PRR16: variants seen among roughly 807,000 people sequenced by gnomAD.
PRR16 encodes the protein proline rich 16.
PRR16 carries 6 observed loss-of-function variants against 18.2 expected under a neutral mutation model. The ratio of observed to expected loss-of-function variants is 0.33; its 90% CI spans 0.18 to 0.65. PRR16 has a LOEUF of 0.65. PRR16 is among the 30% of genes least tolerant of loss of function. The pLI is 0.74. For synonymous variants in PRR16, 151 were observed against 147.8 expected (o/e 1.02, Z -0.16); for missense variants, 412 against 376.6 (o/e 1.09, Z -0.78).
chr5:120,699,351 G>T, the PRR16 span, among the ~76,000 whole-genome samples: 1 of 152,278 alleles, frequency 6.6e-6, no homozygotes, highest in East Asian at 1.9e-4. Flanking sequence ...TAAATCAAGC[G>T]TGATCAGGGT....
At chr5:120,625,901 T>A (rs1419594306) in intron 1 of PRR16, among the ~76,000 whole-genome samples, 1 of 152,148 alleles carries the variant, frequency 6.6e-6, no homozygotes, top group East Asian at 1.9e-4. Context: ...ATTATCATTA[T>A]TTCCCTTCTA....
chr5:120,584,505 T>TTTTA (rs1223502488), intron 1 of PRR16, among the ~76,000 whole-genome samples: 2 of 152,208 alleles, frequency 1.3e-5, no homozygotes, highest in African/African-American at 4.8e-5. Context: ...ATTCTTGAAT[T>TTTTA]TTAAAAAGTA....
intron 1 of PRR16, among the ~76,000 whole-genome samples, chr5:120,631,096 T>A (rs1755036657): frequency 6.6e-6 from 1 of 152,168 alleles, no homozygotes; most frequent in Non-Finnish European, 1.5e-5. Context: ...GAAGATTTAT[T>A]TAAAACTTAA....
chr5:120,719,792 CAGTTA>C, the PRR16 span, among the ~76,000 whole-genome samples: 2 of 151,968 alleles, frequency 1.3e-5, no homozygotes, highest in African/African-American at 4.8e-5. Context: ...ATCTTAGACT[CAGTTA>C]AGTTTGTTTT....
At chr5:120,771,526 T>A in the PRR16 span, among the ~76,000 whole-genome samples, 1 of 152,112 alleles carries the variant, frequency 6.6e-6, no homozygotes, top group Non-Finnish European at 1.5e-5. Context: ...GATGTCTCTA[T>A]GGAAACCTAA....
chr5:120,579,232 C>T (rs1363433607), intron 1 of PRR16, among the ~76,000 whole-genome samples: 1 of 152,062 alleles, frequency 6.6e-6, no homozygotes, highest in Admixed American at 6.6e-5. Context: ...GTTTCTTTTG[C>T]TGTGCAGAAG....
intron 1 of PRR16, among the ~76,000 whole-genome samples, chr5:120,518,953 G>A (rs1751084423): frequency 2.0e-5 from 3 of 152,204 alleles, no homozygotes; most frequent in South Asian, 4.1e-4. Context: ...AACTTATCTT[G>A]TTTAAGATAC....
chr5:120,718,594 G>T, the PRR16 span, among the ~76,000 whole-genome samples: 1 of 152,060 alleles, frequency 6.6e-6, no homozygotes, highest in Middle Eastern at 3.4e-3. Context: ...GGCCAACATT[G>T]TGTCTACCAC....
intron 1 of PRR16, among the ~76,000 whole-genome samples, chr5:120,517,501 A>G (rs180829799): frequency 2.6e-5 from 4 of 152,330 alleles, no homozygotes; most frequent in East Asian, 1.9e-4. Flanking sequence ...TAGAAAATAT[A>G]TAGTTTTCTA....
chr5:120,497,980 A>G (rs997844364), intron 1 of PRR16, among the ~76,000 whole-genome samples: 1 of 151,454 alleles, frequency 6.6e-6, no homozygotes, highest in African/African-American at 2.4e-5. Context: ...CCATTTTACT[A>G]ACTCTCTCTT....
chr5:120,567,234 C>G (rs1028711953), intron 1 of PRR16, among the ~76,000 whole-genome samples: 2 of 152,140 alleles, frequency 1.3e-5, no homozygotes, highest in African/African-American at 2.4e-5. Context: ...CATGCCCAGT[C>G]TATGCCACTG....
At chr5:120,592,292 A>C (rs1753662646) in intron 1 of PRR16, among the ~76,000 whole-genome samples, 1 of 152,196 alleles carries the variant, frequency 6.6e-6, no homozygotes, top group Admixed American at 6.5e-5. Flanking sequence ...ATACTTGTAA[A>C]TCTGAAGAAT....
chr5:120,765,804 C>G, the PRR16 span, among the ~76,000 whole-genome samples: 1 of 151,972 alleles, frequency 6.6e-6, no homozygotes, highest in Non-Finnish European at 1.5e-5. Context: ...AATTTCTTTC[C>G]TGATTTCTAA....
At chr5:120,555,683 C>T (rs1282914224) in intron 1 of PRR16, among the ~76,000 whole-genome samples, 4 of 151,890 alleles carry the variant, frequency 2.6e-5, no homozygotes, top group Non-Finnish European at 5.9e-5. Flanking sequence ...GTTAGGGCTT[C>T]AACATATGAA....
intron 1 of PRR16, among the ~76,000 whole-genome samples, chr5:120,658,667 C>A (rs969004066): frequency 1.3e-5 from 2 of 151,810 alleles, no homozygotes; most frequent in Non-Finnish European, 2.9e-5. Flanking sequence ...GCATATGGAA[C>A]TCCAAGACAT....
At chr5:120,777,501 C>T in the PRR16 span, among the ~76,000 whole-genome samples, 2 of 152,088 alleles carry the variant, frequency 1.3e-5, no homozygotes, top group African/African-American at 4.8e-5. Context: ...CCACCTGCTC[C>T]TTCCTTTTTG....
At chr5:120,669,685 A>G (rs562875856) in intron 1 of PRR16, among the ~76,000 whole-genome samples, 14 of 152,242 alleles carry the variant, frequency 9.2e-5, no homozygotes, top group African/African-American at 3.1e-4. Flanking sequence ...AAATAATGAT[A>G]TTAATTTAAA....
intron 1 of PRR16, among the ~76,000 whole-genome samples, chr5:120,518,108 C>T (rs952164972): frequency 3.3e-5 from 5 of 152,038 alleles, no homozygotes; most frequent in African/African-American, 1.2e-4. Flanking sequence ...ATGTGACTTA[C>T]CCTCTTTTTA....
At chr5:120,790,586 G>A in the PRR16 span, 3 of 152,188 alleles carry the variant, frequency 2.0e-5, no homozygotes, top group Non-Finnish European at 4.4e-5. Flanking sequence ...TGAGATAATA[G>A]CATTGTTGTC....
Sources: allele counts gnomAD v4.1 joint callset (sites outside exome capture counted in the v4.1 genomes callset), GRCh38; gene constraint gnomAD v4.1.1; transcripts MANE v1.5; gene names NCBI Gene and HGNC (gene_info 2026-07-23, HGNC 2026-07-21).